Variants in EYS observed in about 807,000 individuals in gnomAD.
EYS encodes protein eyes shut homolog.
EYS carries 250 observed loss-of-function variants against 282.1 expected under a neutral mutation model. The ratio of observed to expected loss-of-function variants is 0.89; its 90% CI spans 0.80 to 0.98. The LOEUF (loss-of-function observed/expected upper bound fraction) is 0.98. Among genes scored for constraint, EYS ranks in the 50% least tolerant of loss-of-function variants. The probability of loss-of-function intolerance (pLI) is 0.00; values close to 1 mark genes in which losing one functional copy is unlikely to be tolerated. For synonymous variants in EYS, 1,355 were observed against 1,282.9 expected, an observed-to-expected ratio of 1.06 and a Z score of -1.20; for missense variants, 4,016 against 3,709.0, an observed-to-expected ratio of 1.08 and a Z score of -2.15.
At chr6:64,243,461 T>TTTC (rs1233605140) in intron 30 of EYS, among the ~76,000 whole-genome samples, 3 of 152,174 alleles carry the variant, frequency 2.0e-5, no homozygotes, top group Non-Finnish European at 2.9e-5. Context: ...ATATATCAAC[T>TTTC]TCAGCACATA....
intron 29 of EYS, among the ~76,000 whole-genome samples, chr6:64,357,360 C>A (rs1771857739): frequency 6.6e-6 from 1 of 151,598 alleles, no homozygotes; most frequent in East Asian, 1.9e-4. Context: ...ACAAGTTCTA[C>A]TGCCAAATAA....
At chr6:64,703,429 A>ATATTTTTTTTT (rs869208549) in intron 22 of EYS, among the ~76,000 whole-genome samples, 650 of 23,334 alleles carry the variant, frequency 0.028, 98 homozygotes, top group Non-Finnish European at 0.043. Context: ...ATATATATAT[A>ATATTTTTTTTT]TTTTTTTTTT....
At chr6:63,793,607 GTTAAGC>G (rs1185052928) in intron 37 of EYS, among the ~76,000 whole-genome samples, 1 of 152,156 alleles carries the variant, frequency 6.6e-6, no homozygotes, top group Non-Finnish European at 1.5e-5. Context: ...GACTTTCTAA[GTTAAGC>G]TTAGTCATTC....
At chr6:65,618,028 T>C (rs1477952286) in intron 2 of EYS, among the ~76,000 whole-genome samples, 3 of 152,186 alleles carry the variant, frequency 2.0e-5, no homozygotes, top group Non-Finnish European at 4.4e-5. Context: ...TGCATGTGTG[T>C]TTATAGCAGC....
intron 2 of EYS, among the ~76,000 whole-genome samples, chr6:65,622,572 T>TA (rs1381108480): frequency 3.9e-5 from 6 of 152,084 alleles, no homozygotes; most frequent in Admixed American, 3.9e-4. Flanking sequence ...ATGGTGGTGT[T>TA]AAAATTATTT....
chr6:65,332,919 T>G (rs191772921), intron 11 of EYS, among the ~76,000 whole-genome samples: 1,694 of 151,546 alleles, frequency 0.011, 18 homozygotes, highest in Admixed American at 0.019. Flanking sequence ...AATTTACAGT[T>G]GTTCATAGCA....
At position 65,249,996 on chromosome 6, in the gene EYS, G is replaced by T. The variant is rs181355149; in HGVS notation, c.2023+45867C>A. On this transcript the variant is annotated intron_variant, in intron 12 of 42. Coordinates refer to ENST00000503581, the MANE Select transcript of EYS (RefSeq NM_001142800.2). ...AGAAATCCGTGTAAGAGAGGTTCAA[G>T]CATTGGGCCCGGATTTAACAAACGT... Among the ~76,000 whole-genome samples, 4 of 152,162 alleles carry T rather than the reference G, an allele frequency of 2.6e-5. No individual in the cohort carries two copies. The East Asian group carries it at 7.7e-4, about 29-fold the overall frequency.
In EYS at chr6:65,286,538, A is replaced by G. The variant is rs568115336; in HGVS notation, c.2023+9325T>C. ...CCCACAGAAATATACATATATCTTC[A>G]AAATTTAACATGTGATGTCTTTAAT... is the stretch of plus-strand genomic sequence containing the variant. On this transcript the variant is annotated intron_variant, in intron 12 of 42. Transcript: ENST00000503581. 2.6e-5 allele frequency among the ~76,000 whole-genome samples: 4 copies of G among 151,974 alleles called. No individual in the cohort carries two copies. The South Asian group carries it at 8.3e-4, about 31-fold the overall frequency.
Position 64,233,825 on chromosome 6 carries a change from T to C in EYS, c.6192-3001A>G, listed in dbSNP as rs1766503368. On this transcript the variant is annotated intron_variant, in intron 30 of 42. Transcript: ENST00000503581. ...GATAGGACAGCAATTTCCAGTCGTG[T>C]TGGGGAACTCTAGTTGGAACAGGAA... is the stretch of plus-strand genomic sequence containing the variant. Among the ~76,000 whole-genome samples, 3 of 152,186 alleles carry C rather than the reference T, an allele frequency of 2.0e-5. No homozygotes were observed. The South Asian group carries it at 6.2e-4, about 32-fold the overall frequency.
At chr6:64,172,204 T>G (rs1764498258) in intron 31 of EYS, among the ~76,000 whole-genome samples, 1 of 152,012 alleles carries the variant, frequency 6.6e-6, no homozygotes. Flanking sequence ...CTTACTTTCT[T>G]TGTCATCTTT....
At chr6:65,259,414 T>C (rs551596885) in intron 12 of EYS, among the ~76,000 whole-genome samples, 10 of 152,188 alleles carry the variant, frequency 6.6e-5, no homozygotes, top group African/African-American at 1.9e-4. Context: ...GGTGTTAATC[T>C]TCTAAGATTT....
At chr6:64,340,473 G>C (rs760170536) in intron 29 of EYS, among the ~76,000 whole-genome samples, 1 of 151,852 alleles carries the variant, frequency 6.6e-6, no homozygotes, top group Non-Finnish European at 1.5e-5. Context: ...AATGGAGAAA[G>C]ATGTCCATAT....
intron 26 of EYS, among the ~76,000 whole-genome samples, chr6:64,504,284 G>C (rs921385681): frequency 1.3e-5 from 2 of 152,126 alleles, no homozygotes; most frequent in African/African-American, 4.8e-5. Flanking sequence ...TCAAGTTTTA[G>C]AGGACTTTTA....
chr6:65,061,661 C>A (rs72877884), intron 12 of EYS, among the ~76,000 whole-genome samples: 2,392 of 152,072 alleles, frequency 0.016, 37 homozygotes, highest in South Asian at 0.024. Flanking sequence ...CATACACACA[C>A]ACACATATAC....
chr6:63,921,006 C>T, intron 35 of EYS, among the ~76,000 whole-genome samples: 1 of 152,136 alleles, frequency 6.6e-6, no homozygotes, highest in East Asian at 1.9e-4. Flanking sequence ...CATTCTCCTG[C>T]CTCAGCGTCC....
chr6:64,442,641 T>C (rs1447605141), intron 26 of EYS, among the ~76,000 whole-genome samples: 1 of 152,158 alleles, frequency 6.6e-6, no homozygotes, highest in Admixed American at 6.5e-5. Context: ...AGGGATTTGA[T>C]GTCCTATGTT....
intron 1 of EYS, among the ~76,000 whole-genome samples, chr6:65,661,190 T>C (rs572241655): frequency 1.3e-5 from 2 of 151,996 alleles, no homozygotes; most frequent in East Asian, 3.9e-4. Flanking sequence ...AGGGACTATA[T>C]CTCACCTCCA....
intron 36 of EYS, among the ~76,000 whole-genome samples, chr6:63,856,623 GA>G (rs1772399042): frequency 6.6e-6 from 1 of 152,174 alleles, no homozygotes; most frequent in East Asian, 1.9e-4. Flanking sequence ...AGTGTAAGTA[GA>G]AACTGCCTCA....
intron 30 of EYS, among the ~76,000 whole-genome samples, chr6:64,292,288 A>G (rs561265154): frequency 2.0e-5 from 3 of 152,308 alleles, no homozygotes; most frequent in Admixed American, 2.0e-4. Context: ...TGTAACAAGG[A>G]GAAACACCTT....
Sources: allele counts gnomAD v4.1 joint callset (sites outside exome capture counted in the v4.1 genomes callset), GRCh38; gene constraint gnomAD v4.1.1; transcripts MANE v1.5; gene names NCBI Gene and HGNC (gene_info 2026-07-23, HGNC 2026-07-21).